Variants in LMX1B observed in about 807,000 individuals in gnomAD.
The protein encoded by LMX1B is LIM homeobox transcription factor 1-beta.
A neutral mutation model predicts 51.4 loss-of-function variants in LMX1B; 12 were observed. The ratio of observed to expected loss-of-function variants is 0.23; its 90% CI spans 0.15 to 0.38. LMX1B has a LOEUF of 0.38. Ranked by LOEUF, LMX1B falls within the 10% of genes least tolerant of loss-of-function variation. LMX1B has a pLI of 1.00. For missense variants in LMX1B, 445 were observed against 571.1 expected, an observed-to-expected ratio of 0.78 and a Z score of 2.25; for synonymous variants, 237 against 235.4, an observed-to-expected ratio of 1.01 and a Z score of -0.06.
intron 2 of LMX1B, among the ~76,000 whole-genome samples, chr9:126,681,649 C>A (rs1836674450): frequency 6.6e-6 from 1 of 152,100 alleles, no homozygotes; most frequent in Non-Finnish European, 1.5e-5. Context: ...ACCTGTAATT[C>A]CAACACTTTG....
intron 2 of LMX1B, among the ~76,000 whole-genome samples, chr9:126,685,004 G>T (rs973491808): frequency 6.6e-6 from 1 of 152,174 alleles, no homozygotes. Flanking sequence ...TTCACACATG[G>T]TTGTTCATTC....
Position 126,693,608 on chromosome 9 carries a change from G to A in LMX1B, c.819+7G>A, listed in dbSNP as rs765382353. ...TCAGAACCAAAGAGCAAAGGTAAGA[G>A]GCCACCCCCCATCCCCACTGGCCCC... On this transcript the variant is annotated splice_region_variant and intron_variant, in intron 5 of 7. Coordinates refer to ENST00000373474, the MANE Select transcript of LMX1B (RefSeq NM_001174147.2). The A allele has an allele frequency of 1.2e-6, 2 of 1,614,066 alleles. No individual in the cohort carries two copies. The highest frequency in any genetic ancestry group is 1.1e-5 in the South Asian group (1 of 91,076).
chr9:126,633,795 C>A (rs1264741949), intron 2 of LMX1B, among the ~76,000 whole-genome samples: 2 of 152,182 alleles, frequency 1.3e-5, no homozygotes, highest in Non-Finnish European at 2.9e-5. Flanking sequence ...CCCTGTGCAG[C>A]CACTGATTTA....
chr9:126,648,740 G>A (rs146586810), intron 2 of LMX1B, among the ~76,000 whole-genome samples: 51 of 152,280 alleles, frequency 3.3e-4, no homozygotes, highest in Non-Finnish European at 6.2e-4. Context: ...TGGGCTGCCC[G>A]TTGGAGGCAC....
rs1835806825 is a variant in LMX1B, at chr9:126,641,437, T to A, written c.326+25868T>A. The A allele has an allele frequency of 6.6e-6, 1 of 152,152 alleles. No homozygotes were observed. The allele number at this position is 152,152 out of a possible 1,614,324, so 9.4% of individuals were successfully genotyped here. ...AGAGTTTTATGTCACCTGCCTGAGG[T>A]CATAGCTAATAGCAGGAACAGGACA... is the stretch of plus-strand genomic sequence containing the variant. On this transcript the variant is annotated intron_variant, in intron 2 of 7. Transcript: ENST00000373474. The surrounding 1 kb of genome is among the most constrained non-coding windows in gnomAD (Gnocchi z 4.1).
At chr9:126,652,498 G>A (rs571109790) in intron 2 of LMX1B, among the ~76,000 whole-genome samples, 4 of 152,366 alleles carry the variant, frequency 2.6e-5, no homozygotes, top group South Asian at 2.1e-4. Flanking sequence ...ACACGGGAAC[G>A]TGGCTACCGC....
chr9:126,628,293 C>T (rs557966911), intron 2 of LMX1B, among the ~76,000 whole-genome samples: 4 of 152,340 alleles, frequency 2.6e-5, no homozygotes, highest in East Asian at 1.9e-4. Context: ...GGGGAGCAGC[C>T]GGCTGGGTCA....
At chr9:126,684,783 G>T (rs1234889725) in intron 2 of LMX1B, among the ~76,000 whole-genome samples, 1 of 152,156 alleles carries the variant, frequency 6.6e-6, no homozygotes, top group Non-Finnish European at 1.5e-5. Flanking sequence ...GGGGATGAGG[G>T]TGCTTTTGGG....
chr9:126,668,381 G>A lies in LMX1B; in HGVS notation c.327-22455G>A, dbSNP rs539103308. 1.3e-4 allele frequency among the ~76,000 whole-genome samples: 20 copies of A among 152,206 alleles called. No homozygotes were observed. In the South Asian group the frequency reaches 3.9e-3, roughly 30 times the overall value. ...AGACAAGGAAATTGAGGCTCTGGAG[G>A]TGGAGTCATGGGCCCAAGGTCACAA... On this transcript the variant is annotated intron_variant, in intron 2 of 7. Transcript: ENST00000373474.
At chr9:126,696,172 G>A (rs987982486) in intron 7 of LMX1B, 122 bp from the exon 8 acceptor site, 31 of 1,190,568 alleles carry the variant, frequency 2.6e-5, no homozygotes, top group Non-Finnish European at 3.6e-5. Flanking sequence ...TTCTTGGCCG[G>A]CACTAGTCAG....
At chr9:126,662,018 C>A (rs1564159134) in intron 2 of LMX1B, among the ~76,000 whole-genome samples, 1 of 152,208 alleles carries the variant, frequency 6.6e-6, no homozygotes, top group Non-Finnish European at 1.5e-5. Context: ...GCCCACTAGG[C>A]ATGGGACACC....
Position 126,622,690 on chromosome 9 carries a change from C to T in LMX1B, c.326+7121C>T, listed in dbSNP as rs557568486. On this transcript the variant is annotated intron_variant, in intron 2 of 7. Coordinates refer to ENST00000373474, the MANE Select transcript of LMX1B (RefSeq NM_001174147.2). Reference sequence around the variant, plus strand: ...TAGTTACTGGGCTGTTGGGTGTGGGCGCCAGACCAGGACTGAGCTGCCCAG... The same window carrying T: ...TAGTTACTGGGCTGTTGGGTGTGGGTGCCAGACCAGGACTGAGCTGCCCAG... Among the ~76,000 whole-genome samples the T allele has an allele frequency of 2.0e-4, 31 of 152,352 alleles. No individual in the cohort carries two copies. In the South Asian group the frequency reaches 5.6e-3, roughly 27 times the overall value.
At chr9:126,657,194 G>A (rs1836133956) in intron 2 of LMX1B, among the ~76,000 whole-genome samples, 1 of 152,182 alleles carries the variant, frequency 6.6e-6, no homozygotes, top group African/African-American at 2.4e-5. Flanking sequence ...ACTATTACTA[G>A]TAAGAAGAAA....
chr9:126,635,724 G>A (rs1835703262), intron 2 of LMX1B, among the ~76,000 whole-genome samples: 1 of 152,232 alleles, frequency 6.6e-6, no homozygotes, highest in Non-Finnish European at 1.5e-5. Context: ...CTGGGGCTCT[G>A]AGAGGTTAAG....
chr9:126,639,253 G>A (rs1432076395), intron 2 of LMX1B, among the ~76,000 whole-genome samples: 2 of 152,196 alleles, frequency 1.3e-5, no homozygotes, highest in African/African-American at 2.4e-5. Context: ...GCCCAGTGGC[G>A]CTGGGGTCCC....
At chr9:126,624,501 T>G (rs1835481688) in intron 2 of LMX1B, among the ~76,000 whole-genome samples, 1 of 152,140 alleles carries the variant, frequency 6.6e-6, no homozygotes, top group Non-Finnish European at 1.5e-5. Flanking sequence ...GGGGAGAATC[T>G]AAGACCCTTT....
chr9:126,670,369 T>C (rs1199368671), intron 2 of LMX1B, among the ~76,000 whole-genome samples: 2 of 152,204 alleles, frequency 1.3e-5, no homozygotes, highest in Non-Finnish European at 1.5e-5. Context: ...GAGCAGCCTG[T>C]AGATAGAGTT....
At chr9:126,674,025 A>G (rs760762492) in intron 2 of LMX1B, among the ~76,000 whole-genome samples, 23 of 152,056 alleles carry the variant, frequency 1.5e-4, no homozygotes, top group Non-Finnish European at 2.8e-4. Context: ...CTGCACTGCT[A>G]TGTGCTTCCT....
intron 2 of LMX1B, among the ~76,000 whole-genome samples, chr9:126,651,946 A>G (rs1028281511): frequency 2.6e-5 from 4 of 152,108 alleles, no homozygotes; most frequent in Non-Finnish European, 5.9e-5. Context: ...AGCCAGGGCC[A>G]TCGAGACAAA....
Sources: gnomAD v4.1 joint callset for allele counts (sites outside exome capture counted in the v4.1 genomes callset) on GRCh38, gnomAD v4.1.1 for gene constraint, Gnocchi (gnomAD v3.1) non-coding constraint, MANE v1.5 for transcripts, NCBI Gene and HGNC (gene_info 2026-07-23, HGNC 2026-07-21) for gene names.